The following ERBIN variants were observed in gnomAD, a reference collection of about 807,000 sequenced individuals.
The protein encoded by ERBIN is densin-180-like protein.
Under a neutral mutation model 158.4 loss-of-function variants are expected in ERBIN, and 60 were observed. The ratio of observed to expected loss-of-function variants is 0.38; its 90% CI spans 0.31 to 0.47. The LOEUF (loss-of-function observed/expected upper bound fraction) is 0.47, where lower values mean the gene tolerates loss of function less well. Ranked by LOEUF, ERBIN falls within the 20% of genes least tolerant of loss-of-function variation. The pLI, the probability that ERBIN is intolerant of heterozygous loss-of-function variation, is 0.99. For synonymous variants in ERBIN, 594 were observed against 557.2 expected, an observed-to-expected ratio of 1.07 and a Z score of -0.93; for missense variants, 1,610 against 1,648.0, an observed-to-expected ratio of 0.98 and a Z score of 0.40.
At chr5:66,046,743 T>C (rs756624028) in intron 18 of ERBIN, among the ~76,000 whole-genome samples, 3 of 152,210 alleles carry the variant, frequency 2.0e-5, no homozygotes, top group Non-Finnish European at 4.4e-5. Context: ...TTTATGCGAA[T>C]TAGATTATAG....
intron 21 of ERBIN, among the ~76,000 whole-genome samples, chr5:66,061,198 C>T (rs1760259231): frequency 1.3e-5 from 2 of 152,290 alleles, no homozygotes; most frequent in East Asian, 1.9e-4. Context: ...TTGTAGGTCC[C>T]TAAGGACTTG....
At chr5:65,957,894 C>T (rs1747403524) in intron 1 of ERBIN, among the ~76,000 whole-genome samples, 1 of 151,878 alleles carries the variant, frequency 6.6e-6, no homozygotes, top group Non-Finnish European at 1.5e-5. Flanking sequence ...CTCCTCACTT[C>T]TCAGCCGGGG....
At chr5:66,060,216 G>A (rs370913524) in intron 21 of ERBIN, among the ~76,000 whole-genome samples, 1 of 152,080 alleles carries the variant, frequency 6.6e-6, no homozygotes, top group African/African-American at 2.4e-5. Context: ...CAATTTCAGA[G>A]CCTGTTATTG....
At chr5:65,944,020 A>G (rs1230252943) in intron 1 of ERBIN, among the ~76,000 whole-genome samples, 2 of 152,152 alleles carry the variant, frequency 1.3e-5, no homozygotes, top group African/African-American at 2.4e-5. Context: ...GTATGTATAT[A>G]CCACATTTTG....
intron 1 of ERBIN, among the ~76,000 whole-genome samples, chr5:65,952,663 T>A (rs184234246): frequency 2.0e-4 from 31 of 152,356 alleles, no homozygotes; most frequent in African/African-American, 6.0e-4. Context: ...TATATGAATA[T>A]GTAGCTAGCA....
chr5:65,983,693 T>G (rs1398658103), intron 1 of ERBIN, among the ~76,000 whole-genome samples: 1 of 152,216 alleles, frequency 6.6e-6, no homozygotes, highest in Admixed American at 6.5e-5. Flanking sequence ...CACATAAGAT[T>G]GCTCTTAAAT....
rs369510348 is a variant in ERBIN at position 66,038,496 on chromosome 5, A to G, written c.1306+14A>G. ...GGACTGAGGATGGTAGGAATTTCAT[A>G]ATCGATTTTCTTGTTAAAAACAAAT... On this transcript the variant is annotated intron_variant, in intron 15 of 25. Coordinates refer to ENST00000284037, the MANE Select transcript of ERBIN (RefSeq NM_001253697.2). 2.9e-4 allele frequency: 460 copies of G among 1,562,694 alleles called. 1 individual carries two copies. The highest frequency in any genetic ancestry group is 3.8e-4 in the Non-Finnish European group (433 of 1,143,708).
chr5:66,064,734 G>C (rs1326917808), intron 21 of ERBIN, among the ~76,000 whole-genome samples: 1 of 152,154 alleles, frequency 6.6e-6, no homozygotes, highest in East Asian at 1.9e-4. Flanking sequence ...CTGGGGTTTT[G>C]GCTCTCGTGG....
chr5:65,995,635 C>G (rs1010428516), intron 4 of ERBIN, among the ~76,000 whole-genome samples: 13 of 152,224 alleles, frequency 8.5e-5, no homozygotes, highest in African/African-American at 3.1e-4. Context: ...CACTTTGATA[C>G]ATATCCAGTA....
intron 17 of ERBIN, among the ~76,000 whole-genome samples, chr5:66,045,120 G>T (rs986771129): frequency 1.3e-5 from 2 of 151,982 alleles, no homozygotes; most frequent in Non-Finnish European, 2.9e-5. Flanking sequence ...TGGGAGACTT[G>T]AGGTGAGAGG....
chr5:65,946,887 G>A (rs1326058308), intron 1 of ERBIN, among the ~76,000 whole-genome samples: 1 of 149,922 alleles, frequency 6.7e-6, no homozygotes, highest in Non-Finnish European at 1.5e-5. Context: ...TGGCTAATAT[G>A]TGGAACATCT....
chr5:66,018,527 T>TTATAATA (rs1755188243), intron 7 of ERBIN, among the ~76,000 whole-genome samples: 1 of 4,574 alleles, frequency 2.2e-4, no homozygotes, highest in Non-Finnish European at 4.5e-4. Flanking sequence ...ATAATATATA[T>TTATAATA]TATATTATAT....
intron 14 of ERBIN, among the ~76,000 whole-genome samples, chr5:66,030,839 G>A (rs192019242): frequency 2.6e-5 from 4 of 152,098 alleles, no homozygotes; most frequent in African/African-American, 4.8e-5. Context: ...CCACAGTGCC[G>A]GGACTACAGG....
chr5:65,956,028 C>T (rs896361750), intron 1 of ERBIN, among the ~76,000 whole-genome samples: 25 of 152,204 alleles, frequency 1.6e-4, no homozygotes, highest in Middle Eastern at 3.4e-3. Context: ...GTATAGAGTT[C>T]GACACTATCT....
intron 18 of ERBIN, among the ~76,000 whole-genome samples, chr5:66,047,873 T>A (rs546161407): frequency 1.3e-5 from 2 of 152,108 alleles, no homozygotes; most frequent in Middle Eastern, 3.4e-3. Flanking sequence ...GCACTGTGTT[T>A]AGAGCTAAGG....
At chr5:66,041,501 A>G (rs1026734782) in intron 15 of ERBIN, among the ~76,000 whole-genome samples, 1 of 152,002 alleles carries the variant, frequency 6.6e-6, no homozygotes, top group African/African-American at 2.4e-5. Flanking sequence ...CAGTTTGAGT[A>G]GCCTCTAGAA....
At chr5:65,962,781 T>G (rs1442271369) in intron 1 of ERBIN, among the ~76,000 whole-genome samples, 2 of 152,228 alleles carry the variant, frequency 1.3e-5, no homozygotes, top group East Asian at 3.8e-4. Flanking sequence ...GCACTTCTAA[T>G]TAAAGCCTCT....
At chr5:66,067,963 A>T (rs1287657149) in intron 21 of ERBIN, among the ~76,000 whole-genome samples, 2 of 152,140 alleles carry the variant, frequency 1.3e-5, no homozygotes, top group African/African-American at 4.8e-5. Context: ...AATAAAATTA[A>T]AAAGGGTATA....
At chr5:66,043,413 A>G (rs1227067287) in intron 16 of ERBIN, among the ~76,000 whole-genome samples, 1 of 152,170 alleles carries the variant, frequency 6.6e-6, no homozygotes, top group Admixed American at 6.5e-5. Flanking sequence ...TTCATAGTAT[A>G]TATAAATATA....
Sources: allele counts gnomAD v4.1 joint callset (sites outside exome capture counted in the v4.1 genomes callset), GRCh38; gene constraint gnomAD v4.1.1; transcripts MANE v1.5; gene names NCBI Gene and HGNC (gene_info 2026-07-23, HGNC 2026-07-21).